UBASH3B: variants seen among roughly 807,000 people sequenced by gnomAD.
UBASH3B encodes the protein ubiquitin associated and SH3 domain containing B, also known as ubiquitin-associated and SH3 domain-containing protein B.
Under a neutral mutation model 83.4 loss-of-function variants are expected in UBASH3B, and 37 were observed. The observed-to-expected ratio is 0.44, with a 90% CI of 0.34 to 0.58. The LOEUF is 0.58. Among genes scored for constraint, UBASH3B ranks in the 20% least tolerant of loss-of-function variants. The pLI is 0.01. For synonymous variants in UBASH3B, 304 were observed against 318.3 expected (o/e 0.96, Z 0.48); for missense variants, 657 against 827.2 (o/e 0.79, Z 2.52).
intron 1 of UBASH3B, among the ~76,000 whole-genome samples, chr11:122,674,932 T>C (rs1044751249): frequency 1.1e-4 from 16 of 152,026 alleles, no homozygotes; most frequent in Non-Finnish European, 2.1e-4. Context: ...TTTCACCATG[T>C]TGGCCAGGCT....
At chr11:122,715,106 C>T (rs533715322) in intron 1 of UBASH3B, among the ~76,000 whole-genome samples, 6 of 152,228 alleles carry the variant, frequency 3.9e-5, no homozygotes, top group African/African-American at 9.6e-5. Flanking sequence ...CTACCACACC[C>T]GGCTAATTTT....
At chr11:122,689,924 C>T (rs922908872) in intron 1 of UBASH3B, among the ~76,000 whole-genome samples, 4 of 152,000 alleles carry the variant, frequency 2.6e-5, no homozygotes, top group African/African-American at 7.2e-5. Context: ...GGAGCTTCCA[C>T]GGCCTCCCCT....
At chr11:122,770,020 T>C (rs1284666238) in intron 1 of UBASH3B, among the ~76,000 whole-genome samples, 2 of 152,232 alleles carry the variant, frequency 1.3e-5, no homozygotes, top group African/African-American at 4.8e-5. Context: ...GAAGGAAAGA[T>C]ATAATTTAAT....
At position 122,779,737 on chromosome 11, in the gene UBASH3B, CAA is replaced by C. The variant is rs2135146103; in HGVS notation, c.601+44_601+45del. The C allele has an allele frequency of 3.1e-6, 5 of 1,610,022 alleles. No homozygotes were observed. In the East Asian group the frequency reaches 1.1e-4, roughly 36 times the overall value. On this transcript the variant is annotated intron_variant, in intron 4 of 13. Transcript: ENST00000284273. ...CAGGCCAGCCCTGGGCCCTGTCAAT[CAA>C]AGAGTTGGAAAGGAAAAAGGATAGG...
At chr11:122,765,137 T>C (rs1392936542) in intron 1 of UBASH3B, among the ~76,000 whole-genome samples, 1 of 151,980 alleles carries the variant, frequency 6.6e-6, no homozygotes, top group African/African-American at 2.4e-5. Flanking sequence ...AGGTTCGGTT[T>C]TATTCATTTT....
intron 1 of UBASH3B, among the ~76,000 whole-genome samples, chr11:122,721,205 AC>A (rs1860628544): frequency 6.9e-6 from 1 of 144,984 alleles, no homozygotes; most frequent in African/African-American, 2.6e-5. Flanking sequence ...AGATCGCGGC[AC>A]TGCACTCCAG....
intron 1 of UBASH3B, among the ~76,000 whole-genome samples, chr11:122,719,640 C>T: frequency 6.6e-6 from 1 of 152,192 alleles, no homozygotes; most frequent in Admixed American, 6.6e-5. Context: ...TGTTTCTCTT[C>T]TTGCAAAACC....
chr11:122,807,673 C>T (rs1861364740), intron 12 of UBASH3B, among the ~76,000 whole-genome samples: 1 of 152,058 alleles, frequency 6.6e-6, no homozygotes, highest in Non-Finnish European at 1.5e-5. Context: ...ACATCAGCCT[C>T]CCAAGTAGCT....
chr11:122,767,589 G>A (rs1009215985), intron 1 of UBASH3B, among the ~76,000 whole-genome samples: 3 of 152,194 alleles, frequency 2.0e-5, no homozygotes, highest in South Asian at 4.1e-4. Flanking sequence ...GGGATTACAG[G>A]CGTGAGCCAC....
intron 1 of UBASH3B, among the ~76,000 whole-genome samples, chr11:122,709,050 CA>C (rs1864159626): frequency 6.6e-6 from 1 of 152,112 alleles, no homozygotes; most frequent in Non-Finnish European, 1.5e-5. Context: ...AGTTCGAGAC[CA>C]GCCTGGGCAA....
chr11:122,678,002 G>T (rs1160779679), intron 1 of UBASH3B, among the ~76,000 whole-genome samples: 4 of 152,214 alleles, frequency 2.6e-5, no homozygotes, highest in Non-Finnish European at 5.9e-5. Context: ...TGTTGGCAAG[G>T]CTGGTCTCAA....
chr11:122,704,126 G>A (rs746678753), intron 1 of UBASH3B, among the ~76,000 whole-genome samples: 2 of 152,200 alleles, frequency 1.3e-5, no homozygotes, highest in Non-Finnish European at 2.9e-5. Flanking sequence ...TAAGCTGAAT[G>A]GGCAACTTAC....
intron 1 of UBASH3B, among the ~76,000 whole-genome samples, chr11:122,720,709 T>C (rs1263362300): frequency 6.6e-6 from 1 of 152,120 alleles, no homozygotes; most frequent in African/African-American, 2.4e-5. Context: ...CCAGGAAGGC[T>C]CTTCACACAG....
At chr11:122,784,798 T>A (rs1163972701) in intron 5 of UBASH3B, among the ~76,000 whole-genome samples, 1 of 152,178 alleles carries the variant, frequency 6.6e-6, no homozygotes. Flanking sequence ...GGCTGCAGTT[T>A]TGTCTGACTC....
chr11:122,734,727 T>C (rs994016077), intron 1 of UBASH3B, among the ~76,000 whole-genome samples: 9 of 151,588 alleles, frequency 5.9e-5, no homozygotes, highest in Non-Finnish European at 1.3e-4. Flanking sequence ...ATAATCATTT[T>C]CCCCCCTCAT....
chr11:122,808,212 T>TTTGA lies in UBASH3B; in HGVS notation c.1812+36_1812+37insTTGA, dbSNP rs766583152. The TTTGA allele has an allele frequency of 2.2e-4, 347 of 1,544,494 alleles. 1 individual carries two copies. The Middle Eastern group carries it at 4.6e-3, about 20-fold the overall frequency. ...CTCGTACTTTGGGGTCCGTGATGGC[T>TTTGA]AGTAGTTTGAAGTCAGTACAGTGAC... is the stretch of plus-strand genomic sequence containing the variant. On this transcript the variant is annotated intron_variant, in intron 13 of 13. Transcript: ENST00000284273.
chr11:122,777,574 A>T (rs1322243153), intron 3 of UBASH3B, among the ~76,000 whole-genome samples: 1 of 152,166 alleles, frequency 6.6e-6, no homozygotes, highest in African/African-American at 2.4e-5. Context: ...AGAGCAGGGA[A>T]CAACAAAGGC....
chr11:122,789,819 A>G (rs7944081), intron 6 of UBASH3B, among the ~76,000 whole-genome samples: 35,630 of 152,104 alleles, frequency 0.23, 4,515 homozygotes, highest in Middle Eastern at 0.46. Flanking sequence ...AACAAAGACC[A>G]TGTCTAAGGG....
rs144703015 is a variant in UBASH3B, at chr11:122,764,075, G to T, written c.162-12144G>T. 1.5e-3 allele frequency among the ~76,000 whole-genome samples: 228 copies of T among 152,270 alleles called. 1 individual carries two copies. The highest frequency in any genetic ancestry group is 0.012 in the Admixed American group (182 of 15,292). ...ACAGAAAAGGGTGGCGTAAGTTTGAGTGTCGTTGGAAGGAGTTTGGACTCG... is the reference window on the plus strand; with the variant it reads ...ACAGAAAAGGGTGGCGTAAGTTTGATTGTCGTTGGAAGGAGTTTGGACTCG... On this transcript the variant is annotated intron_variant, in intron 1 of 13. Transcript: ENST00000284273.
Sources: gnomAD v4.1 joint callset for allele counts (sites outside exome capture counted in the v4.1 genomes callset) on GRCh38, gnomAD v4.1.1 for gene constraint, MANE v1.5 for transcripts, NCBI Gene and HGNC (gene_info 2026-07-23, HGNC 2026-07-21) for gene names.